The following TRABD2B variants were observed in gnomAD, a reference collection of about 807,000 sequenced individuals.
The protein encoded by TRABD2B is metalloprotease TIKI2.
In TRABD2B, 14 loss-of-function variants were observed where a neutral mutation model predicts 40.1. The observed-to-expected ratio is 0.35, with a 90% CI of 0.23 to 0.55. The LOEUF (loss-of-function observed/expected upper bound fraction) is 0.55, where lower values mean the gene tolerates loss of function less well. Among genes scored for constraint, TRABD2B ranks in the 20% least tolerant of loss-of-function variants. The probability of loss-of-function intolerance (pLI) is 0.90; values close to 1 mark genes in which losing one functional copy is unlikely to be tolerated. For missense variants in TRABD2B, 541 were observed against 648.6 expected, an observed-to-expected ratio of 0.83 and a Z score of 1.80; for synonymous variants, 263 against 277.0, an observed-to-expected ratio of 0.95 and a Z score of 0.50.
chr1:47,982,640 T>A (rs1645856713), intron 2 of TRABD2B, among the ~76,000 whole-genome samples: 1 of 152,208 alleles, frequency 6.6e-6, no homozygotes, highest in South Asian at 2.1e-4. Context: ...TTTACTGTGA[T>A]AAACCAGAGG....
intron 4 of TRABD2B, among the ~76,000 whole-genome samples, chr1:47,794,197 G>A (rs1220687451): frequency 2.0e-5 from 3 of 152,160 alleles, no homozygotes; most frequent in African/African-American, 2.4e-5. Flanking sequence ...ACTGTGGGAC[G>A]CCAGAGCCAG....
intron 2 of TRABD2B, among the ~76,000 whole-genome samples, chr1:47,805,007 C>T (rs1644872018): frequency 6.6e-6 from 1 of 152,170 alleles, no homozygotes; most frequent in Non-Finnish European, 1.5e-5. Flanking sequence ...CCACAGGTAC[C>T]CTGGAGCCTA....
chr1:47,861,066 G>A (rs1643960660), intron 2 of TRABD2B, among the ~76,000 whole-genome samples: 2 of 152,208 alleles, frequency 1.3e-5, no homozygotes, highest in Admixed American at 6.5e-5. Context: ...TTGTGCTACA[G>A]GGGAGGAGAT....
At chr1:47,795,571 T>C (rs1644737327) in intron 3 of TRABD2B, 11 of 873,296 alleles carry the variant, frequency 1.3e-5, no homozygotes, top group African/African-American at 1.8e-5. Flanking sequence ...GGCAAGTTAC[T>C]TAACTTTTCC....
chr1:47,808,113 G>A (rs911293871), intron 2 of TRABD2B, among the ~76,000 whole-genome samples: 4 of 152,114 alleles, frequency 2.6e-5, no homozygotes, highest in African/African-American at 9.7e-5. Context: ...AACGTAGGTG[G>A]GCTTCATCCG....
chr1:47,976,909 TG>T lies in TRABD2B; in HGVS notation c.666+17124del, dbSNP rs375794945. Among the ~76,000 whole-genome samples, 101 of 152,224 alleles carry T rather than the reference TG, an allele frequency of 6.6e-4. 4 individuals carry two copies. In the East Asian group the frequency reaches 0.019, roughly 29 times the overall value. On this transcript the variant is annotated intron_variant, in intron 2 of 6. Transcript: ENST00000606738. ...ATACCCTTTACCCAGTTTCCCCCAGTGGTAACACCTTACATAACTATAGTAC... is the reference window on the plus strand; with the variant it reads ...ATACCCTTTACCCAGTTTCCCCCAGTGTAACACCTTACATAACTATAGTAC...
At chr1:47,776,122 G>C (rs1644444209) in intron 5 of TRABD2B, among the ~76,000 whole-genome samples, 3 of 152,030 alleles carry the variant, frequency 2.0e-5, no homozygotes, top group Admixed American at 2.0e-4. Flanking sequence ...CGAGAACAGT[G>C]TCTGGCAAAT....
intron 2 of TRABD2B, among the ~76,000 whole-genome samples, chr1:47,963,546 G>A (rs1645553305): frequency 6.6e-6 from 1 of 152,210 alleles, no homozygotes; most frequent in African/African-American, 2.4e-5. Context: ...TGAAGGTCAG[G>A]GAAATGGAAA....
intron 2 of TRABD2B, among the ~76,000 whole-genome samples, chr1:47,887,484 T>C (rs1369440308): frequency 1.3e-5 from 2 of 151,988 alleles, no homozygotes; most frequent in Non-Finnish European, 2.9e-5. Context: ...AGAGACATCC[T>C]ATGTTTTGAG....
chr1:47,937,453 CCAT>C (rs1163410050), intron 2 of TRABD2B, among the ~76,000 whole-genome samples: 4 of 151,648 alleles, frequency 2.6e-5, no homozygotes, highest in South Asian at 2.1e-4. Flanking sequence ...ACTATCATCA[CCAT>C]CATCACCACC....
At chr1:47,795,947 G>A (rs1269029501) in intron 3 of TRABD2B, among the ~76,000 whole-genome samples, 6 of 151,906 alleles carry the variant, frequency 3.9e-5, no homozygotes, top group African/African-American at 1.4e-4. Flanking sequence ...GCATTAACAG[G>A]GTCTTGAACT....
chr1:47,919,959 T>C (rs1325894837), intron 2 of TRABD2B, among the ~76,000 whole-genome samples: 2 of 152,194 alleles, frequency 1.3e-5, no homozygotes, highest in Admixed American at 1.3e-4. Flanking sequence ...CTTTAGGTAA[T>C]GGGACAGGAG....
chr1:47,813,250 G>C lies in TRABD2B; in HGVS notation c.667-11631C>G, dbSNP rs1007275526. ...AGCAATTACCAATTTGCAGAGGAGGGAGGGGGTCTCACAGGCCCTCCAGCA... is the reference window on the plus strand; with the variant it reads ...AGCAATTACCAATTTGCAGAGGAGGCAGGGGGTCTCACAGGCCCTCCAGCA... On this transcript the variant is annotated intron_variant, in intron 2 of 6. Coordinates refer to ENST00000606738, the MANE Select transcript of TRABD2B (RefSeq NM_001194986.2). The surrounding 1 kb of genome is among the most constrained non-coding windows in gnomAD (Gnocchi z 4.3). Among the ~76,000 whole-genome samples the C allele has an allele frequency of 2.0e-5, 3 of 152,178 alleles. No homozygotes were observed. The highest frequency in any genetic ancestry group is 7.2e-5 in the African/African-American group (3 of 41,442).
At chr1:47,775,129 A>G (rs1252676402) in intron 6 of TRABD2B, 41 bp downstream of exon 6, 1 of 1,232,528 alleles carries the variant, frequency 8.1e-7, no homozygotes, top group Non-Finnish European at 1.0e-6. Context: ...TCCCGGGTGC[A>G]GACGCCCAGC....
intron 2 of TRABD2B, among the ~76,000 whole-genome samples, chr1:47,937,289 G>C (rs1480058906): frequency 0.022 from 1,511 of 70,156 alleles, no homozygotes; most frequent in Middle Eastern, 0.087. Flanking sequence ...TCATGATCAT[G>C]ACCATCACCA....
intron 2 of TRABD2B, among the ~76,000 whole-genome samples, chr1:47,885,622 G>A (rs1221019578): frequency 1.3e-5 from 2 of 152,200 alleles, no homozygotes; most frequent in Non-Finnish European, 2.9e-5. Flanking sequence ...CTGGGTTGAA[G>A]CGGGAGGCAG....
intron 2 of TRABD2B, among the ~76,000 whole-genome samples, chr1:47,953,332 C>T (rs1444502337): frequency 6.6e-6 from 1 of 152,198 alleles, no homozygotes; most frequent in Non-Finnish European, 1.5e-5. Context: ...TTCCTTAGAG[C>T]TTGGAGAGAC....
intron 2 of TRABD2B, among the ~76,000 whole-genome samples, chr1:47,868,561 T>C (rs763816437): frequency 5.3e-5 from 8 of 152,168 alleles, no homozygotes; most frequent in Non-Finnish European, 1.2e-4. Flanking sequence ...TAGATTCTCA[T>C]AGGAGCAGGA....
At chr1:47,825,004 C>G (rs1645156545) in intron 2 of TRABD2B, among the ~76,000 whole-genome samples, 1 of 152,212 alleles carries the variant, frequency 6.6e-6, no homozygotes, top group Non-Finnish European at 1.5e-5. Context: ...CGAGGATGAA[C>G]CGCCAGCCCA....
Sources: gnomAD v4.1 joint callset for allele counts (sites outside exome capture counted in the v4.1 genomes callset) on GRCh38, gnomAD v4.1.1 for gene constraint, Gnocchi (gnomAD v3.1) non-coding constraint, MANE v1.5 for transcripts, NCBI Gene and HGNC (gene_info 2026-07-23, HGNC 2026-07-21) for gene names.